Variants in KIAA1549L observed in about 807,000 individuals in gnomAD.
KIAA1549L encodes UPF0606 protein KIAA1549L.
In KIAA1549L, 88 loss-of-function variants were observed where a neutral mutation model predicts 160.7. That is an observed-to-expected ratio of 0.55 (90% confidence interval 0.46 to 0.65). KIAA1549L has a LOEUF of 0.65. KIAA1549L is among the 30% of genes least tolerant of loss of function. The probability of loss-of-function intolerance (pLI) is 0.00; values close to 1 mark genes in which losing one functional copy is unlikely to be tolerated. For missense variants in KIAA1549L, 2,258 were observed against 2,437.5 expected, an observed-to-expected ratio of 0.93 and a Z score of 1.55; for synonymous variants, 950 against 976.7, an observed-to-expected ratio of 0.97 and a Z score of 0.51.
rs201351687 is a variant in KIAA1549L at position 33,559,813 on chromosome 11, C to T, written c.3920C>T (p.Thr1307Ile). ...GTGTACGTCGTGGGCAATCAGAGCA[C>T]ATTCCTCAACGGCACCGTCGCCAGC... is the stretch of plus-strand genomic sequence containing the variant. ...TLVYVVGNQS[T>I]FLNGTVASSL... Residue 1307 changes from threonine (T) to isoleucine (I), a missense_variant, in exon 7 of 21, where the codon ACA (threonine) becomes ATA (isoleucine). Around this residue, in one of 6 missense-constraint regions of KIAA1549L, gnomAD observed 1,359 missense variants for 1,546.6 expected, o/e 0.88. Transcript: ENST00000658780. 1.1e-4 allele frequency: 176 copies of T among 1,613,886 alleles called. No individual in the cohort carries two copies. Among genetic ancestry groups the T allele is most frequent in the Admixed American group, 2.0e-4 (12 of 60,002 alleles).
At chr11:33,619,599 T>C (rs77162322) in intron 16 of KIAA1549L, among the ~76,000 whole-genome samples, 2,009 of 152,296 alleles carry the variant, frequency 0.013, 25 homozygotes, top group Non-Finnish European at 0.018. Context: ...TTTTTAATGG[T>C]CCAATTAAAA....
chr11:33,421,169 T>G (rs1455758938), intron 1 of KIAA1549L, among the ~76,000 whole-genome samples: 1 of 150,994 alleles, frequency 6.6e-6, no homozygotes, highest in Non-Finnish European at 1.5e-5. Flanking sequence ...GCTTCACTGC[T>G]CTTCTCACTC....
chr11:33,458,504 C>A lies in KIAA1549L; in HGVS notation c.238+81615C>A, dbSNP rs1272012034. Reference sequence around the variant, plus strand: ...GGAATCAGATGGACTTTAGGTGAAACCTGCAATGATGGGCAGGCTCAGCTT... The same window carrying A: ...GGAATCAGATGGACTTTAGGTGAAAACTGCAATGATGGGCAGGCTCAGCTT... On this transcript the variant is annotated intron_variant, in intron 1 of 20. Coordinates refer to ENST00000658780, the MANE Select transcript of KIAA1549L (RefSeq NM_012194.3). Among the ~76,000 whole-genome samples, 6 of 152,134 alleles carry A rather than the reference C, an allele frequency of 3.9e-5. No homozygotes were observed. The East Asian group carries it at 1.2e-3, about 29-fold the overall frequency.
rs1429553197 is a variant in KIAA1549L at position 33,667,941 on chromosome 11, T to C, written c.6228T>C (p.Leu2076=). ...SRYPQSSPSR[L]PRQYSQPANL... ...ACCCCCAGAGCTCTCCCTCCAGGCT[T>C]CCTCGTCAGTACAGCCAGCCAGCCA... The change falls in exon 21 of 21, where the codon CTT becomes CTC. Residue 2076 remains leucine, a synonymous_variant. Transcript: ENST00000658780. The C allele has an allele frequency of 3.1e-6, 5 of 1,613,796 alleles. No homozygotes were observed. Among genetic ancestry groups the C allele is most frequent in the Non-Finnish European group, 4.2e-6 (5 of 1,179,860 alleles).
At chr11:33,541,262 A>G (rs1267021874) in intron 1 of KIAA1549L, among the ~76,000 whole-genome samples, 1 of 152,196 alleles carries the variant, frequency 6.6e-6, no homozygotes, top group Non-Finnish European at 1.5e-5. Flanking sequence ...TTGCTATTTG[A>G]CATGGCATGA....
rs1337760283 is a variant in KIAA1549L, at chr11:33,544,857, C to T, written c.2864C>T (p.Ala955Val). 6.2e-7 allele frequency: 1 copy of T among 1,613,628 alleles called. No homozygotes were observed. The highest frequency in any genetic ancestry group is 8.5e-7 in the Non-Finnish European group (1 of 1,179,682). ...RKSSPPALSA[A>V]LVAKGTSSSP... ...TCAAGTCCACCTGCACTGTCTGCAGCCCTGGTTGCTAAGGGCACCAGCAGC... is the reference window on the plus strand; with the variant it reads ...TCAAGTCCACCTGCACTGTCTGCAGTCCTGGTTGCTAAGGGCACCAGCAGC... The change falls in exon 3 of 21, where the codon GCC becomes GTC. Residue 955 changes from alanine to valine, a missense_variant. This residue lies in a region of KIAA1549L where 41 missense variants were observed against 79.8 expected (regional missense o/e 0.51). Transcript: ENST00000658780.
chr11:33,637,398 G>C (rs1372350652), intron 16 of KIAA1549L, among the ~76,000 whole-genome samples: 2 of 152,172 alleles, frequency 1.3e-5, no homozygotes, highest in African/African-American at 4.8e-5. Context: ...AAATTCTTCA[G>C]TAGTTTCCCA....
chr11:33,555,374 C>T (rs145341367), intron 6 of KIAA1549L, among the ~76,000 whole-genome samples: 14 of 152,258 alleles, frequency 9.2e-5, no homozygotes, highest in African/African-American at 3.1e-4. Context: ...AAAGGAAGAA[C>T]GAAGTTGGAG....
chr11:33,380,382 A>G (rs1015384666), intron 1 of KIAA1549L, among the ~76,000 whole-genome samples: 23 of 152,206 alleles, frequency 1.5e-4, no homozygotes, highest in Non-Finnish European at 2.4e-4. Context: ...GTTGTGAATG[A>G]CTGCTTTATT....
chr11:33,404,904 A>T (rs1850613355), intron 1 of KIAA1549L, among the ~76,000 whole-genome samples: 1 of 150,178 alleles, frequency 6.7e-6, no homozygotes, highest in South Asian at 2.1e-4. Flanking sequence ...GCTACTCGGG[A>T]GGCTGAGGCA....
In KIAA1549L at chr11:33,658,806, C is replaced by A; in HGVS notation, c.5915C>A (p.Pro1972Gln). The change falls in exon 19 of 21, where the codon CCG (proline) becomes CAG (glutamine). Residue 1972 changes from proline (P) to glutamine (Q), a missense_variant. Pro to Gln is a moderately conservative substitution (Grantham distance 76, BLOSUM62 -1). This residue lies in a region of KIAA1549L where 1,359 missense variants were observed against 1,546.6 expected (regional missense o/e 0.88). Coordinates refer to ENST00000658780, the MANE Select transcript of KIAA1549L (RefSeq NM_012194.3). ...TRMAESTGPE[P>Q]AQLHDSASFT... ...ATGGCCGAGTCTACAGGGCCCGAGC[C>A]GGCCCAGCTGCACGACAGCGCCTCC... 1 of 1,568,506 alleles carries A rather than the reference C, an allele frequency of 6.4e-7. No homozygotes were observed. The highest frequency in any genetic ancestry group is 1.2e-5 in the South Asian group (1 of 84,738).
chr11:33,624,335 T>C (rs775303002), intron 16 of KIAA1549L, among the ~76,000 whole-genome samples: 1 of 152,216 alleles, frequency 6.6e-6, no homozygotes. Context: ...ATCCATCTTC[T>C]AGTCCTAAGC....
intron 1 of KIAA1549L, among the ~76,000 whole-genome samples, chr11:33,480,661 C>T (rs1276307918): frequency 6.6e-6 from 1 of 152,092 alleles, no homozygotes; most frequent in Non-Finnish European, 1.5e-5. Flanking sequence ...GTCTTCAGTC[C>T]ACATAGACAC....
At chr11:33,422,159 AG>A (rs1411737036) in intron 1 of KIAA1549L, among the ~76,000 whole-genome samples, 3 of 151,962 alleles carry the variant, frequency 2.0e-5, no homozygotes, top group Non-Finnish European at 4.4e-5. Context: ...ATGTCATCCA[AG>A]ATCCGGGTAT....
In KIAA1549L at chr11:33,384,944, GT is replaced by G. The variant is rs1169302830; in HGVS notation, c.238+8067del. ...ATTAACAGCGTTTTTTTTGTTTTTT[GT>G]TTTTTTTTTTTAAAAGGAGAGAAGT... On this transcript the variant is annotated intron_variant, in intron 1 of 20. Transcript: ENST00000658780. Among the ~76,000 whole-genome samples, 370 of 123,680 alleles carry G rather than the reference GT, an allele frequency of 3.0e-3. 1 individual carries two copies. The highest frequency in any genetic ancestry group is 4.4e-3 in the Non-Finnish European group (259 of 58,646). 81.1% of individuals were successfully genotyped at this position (123,680 alleles called of 152,430 possible).
intron 1 of KIAA1549L, among the ~76,000 whole-genome samples, chr11:33,518,138 C>CAAAAAAAAAAAAAAAAAA (rs560876643): frequency 1.7e-4 from 10 of 59,412 alleles, no homozygotes; most frequent in African/African-American, 4.6e-4. Flanking sequence ...GACTCTGTCT[C>CAAAAAAAAAAAAAAAAAA]AAAAAAAAAA....
chr11:33,536,354 G>A (rs1391915519), intron 1 of KIAA1549L, among the ~76,000 whole-genome samples: 1 of 152,240 alleles, frequency 6.6e-6, no homozygotes, highest in African/African-American at 2.4e-5. Context: ...GTTAGGGGAA[G>A]AATGGTCTGG....
At position 33,544,337 on chromosome 11, in the gene KIAA1549L, G is replaced by T. The variant is rs748165287; in HGVS notation, c.2773+1G>T. 1 of 1,613,640 alleles carries T rather than the reference G, an allele frequency of 6.2e-7. No individual in the cohort carries two copies. The highest frequency in any genetic ancestry group is 8.5e-7 in the Non-Finnish European group (1 of 1,179,780). ...TCTCAGCACCCCAAGAAATGGACAG[G>T]TGCAGCCACTAATGCAGGTAGTTTG... On this transcript the variant is annotated splice_donor_variant, in intron 2 of 20. Coordinates refer to ENST00000658780, the MANE Select transcript of KIAA1549L (RefSeq NM_012194.3). LOFTEE classifies it high-confidence loss of function.
Position 33,660,891 on chromosome 11 carries a change from C to T in KIAA1549L, c.6036C>T (p.Ile2012=). 1 of 1,613,862 alleles carries T rather than the reference C, an allele frequency of 6.2e-7. No individual in the cohort carries two copies. The highest frequency in any genetic ancestry group is 1.1e-5 in the South Asian group (1 of 91,024). The change falls in exon 20 of 21, where the codon ATC becomes ATT. Residue 2012 remains isoleucine, a synonymous_variant. Transcript: ENST00000658780. ...ATACGGTGCCAGCAGTGTTCGCCAT[C>T]CCAGCTGCCAACAGACCTGGCTTCA... ...SGNTVPAVFA[I]PAANRPGFTG...
Sources: allele counts gnomAD v4.1 joint callset (sites outside exome capture counted in the v4.1 genomes callset), GRCh38; gene constraint gnomAD v4.1.1; regional missense constraint gnomAD v4.1.1; transcripts MANE v1.5; gene names NCBI Gene and HGNC (gene_info 2026-07-23, HGNC 2026-07-21).